The following DIABLO variants were observed in gnomAD, a reference collection of about 807,000 sequenced individuals.
DIABLO encodes the protein diablo IAP-binding mitochondrial protein, also known as diablo homolog, mitochondrial.
DIABLO carries 32 observed loss-of-function variants against 31.7 expected under a neutral mutation model. The observed-to-expected ratio is 1.01, with a 90% CI of 0.76 to 1.35. The LOEUF is 1.35. DIABLO is among the 40% of genes most tolerant of loss of function. The pLI is 0.00. For missense variants in DIABLO, 316 were observed against 286.4 expected (o/e 1.10, Z -0.75); for synonymous variants, 132 against 103.2 (o/e 1.28, Z -1.69).
intron 5 of DIABLO, among the ~76,000 whole-genome samples, chr12:122,213,599 T>A (rs1344714044): frequency 2.0e-5 from 3 of 151,972 alleles, no homozygotes; most frequent in African/African-American, 7.2e-5. Flanking sequence ...TGCTTATACA[T>A]CCCCTCCTTT....
chr12:122,215,010 A>G lies in DIABLO; in HGVS notation c.523+1478T>C, dbSNP rs552845081. 4.3e-4 allele frequency among the ~76,000 whole-genome samples: 65 copies of G among 152,292 alleles called. 1 individual carries two copies. The highest frequency in any genetic ancestry group is 1.4e-3 in the African/African-American group (60 of 41,562). On this transcript the variant is annotated intron_variant, in intron 5 of 5. Coordinates refer to ENST00000464942, the MANE Select transcript of DIABLO (RefSeq NM_001371333.1). ...ATGAGCCACTGCAACCAGTTTCTTA[A>G]TAAGAACTAGTACTAAGCTATAACT...
At chr12:122,225,299 A>G (rs1046549494) in intron 1 of DIABLO, 3 of 656,680 alleles carry the variant, frequency 4.6e-6, no homozygotes, top group East Asian at 1.3e-4. Flanking sequence ...GAGGCTGAGA[A>G]TCGCTTGAAG....
At chr12:122,222,452 A>T (rs1358427960) in intron 2 of DIABLO, 2 of 152,136 alleles carry the variant, frequency 1.3e-5, no homozygotes, top group African/African-American at 4.8e-5. Flanking sequence ...AATACAAAAA[A>T]ATTAGCAGGG....
At chr12:122,225,908 C>T in intron 1 of DIABLO, 57 bp downstream of exon 1, 1 of 1,551,672 alleles carries the variant, frequency 6.4e-7, no homozygotes, top group Non-Finnish European at 8.7e-7. Flanking sequence ...GGCCACAGCG[C>T]TGTCCGCGTC....
Position 122,207,714 on chromosome 12 carries a change from A to T in DIABLO, c.*667T>A. On this transcript the variant is annotated 3_prime_UTR_variant, in exon 6 of 6. Coordinates refer to ENST00000464942, the MANE Select transcript of DIABLO (RefSeq NM_001371333.1). The stretch of plus-strand genomic sequence containing the variant: ...CTTTCAGATGCAAACAAAATCTTAC[A>T]CTCTTCTCCTTTGGATACAATAGAG... 1.8e-6 allele frequency: 1 copy of T among 540,596 alleles called. No individual in the cohort carries two copies. The highest frequency in any genetic ancestry group is 1.5e-5 in the South Asian group (1 of 65,198). The allele number at this position is 540,596 out of a possible 1,614,324, so 33.5% of individuals were successfully genotyped here.
rs911799730 is a variant in DIABLO at position 122,225,775 on chromosome 12, G to A, written c.50+190C>T. 360 of 1,444,056 alleles carry A rather than the reference G, an allele frequency of 2.5e-4. 1 individual carries two copies. Among genetic ancestry groups the A allele is most frequent in the African/African-American group, 5.7e-5 (4 of 70,014 alleles). 89.5% of individuals were successfully genotyped at this position (1,444,056 alleles called of 1,614,324 possible). A position where few individuals can be genotyped will look rare whatever the true frequency, so the allele number is the denominator to read the frequency against. On this transcript the variant is annotated intron_variant, in intron 1 of 5. Transcript: ENST00000464942. The stretch of plus-strand genomic sequence containing the variant: ...AGAAGATGGACGAACTGAAAAGGAA[G>A]CCGGGCTTGACCCAGGGGGCGGAGG...
At chr12:122,226,480 C>G (rs1338157411), upstream of DIABLO, 9 of 698,612 alleles carry the variant, frequency 1.3e-5, no homozygotes, top group African/African-American at 5.3e-5. Flanking sequence ...AGCAGCGCCC[C>G]GATGAGCACC....
chr12:122,209,025 C>A (rs753871448), intron 5 of DIABLO: 41 of 323,456 alleles, frequency 1.3e-4, no homozygotes, highest in Non-Finnish European at 2.1e-4. Context: ...TATGTAACAG[C>A]ATAAAAGGTA....
rs78500245 is a variant in DIABLO, at chr12:122,211,055, T to C, written c.524-2478A>G. ...GTCTCTCTCACACACACAAATCTGA[T>C]TTTCCTTTGTTTAGTTAAAAGTAAA... On this transcript the variant is annotated intron_variant, in intron 5 of 5. Coordinates refer to ENST00000464942, the MANE Select transcript of DIABLO (RefSeq NM_001371333.1). 1.7e-3 allele frequency among the ~76,000 whole-genome samples: 223 copies of C among 130,950 alleles called. 5 individuals carry two copies. The East Asian group carries it at 0.038, about 23-fold the overall frequency. The allele number at this position is 130,950 out of a possible 152,430, so 85.9% of individuals were successfully genotyped here. A position where few individuals can be genotyped will look rare whatever the true frequency, so the allele number is the denominator to read the frequency against.
rs755788729 is a variant in DIABLO, at chr12:122,226,023, G to A, written c.-9C>T. 10 of 1,602,050 alleles carry A rather than the reference G, an allele frequency of 6.2e-6. No homozygotes were observed. The highest frequency in any genetic ancestry group is 4.5e-5 in the East Asian group (2 of 44,490). On this transcript the variant is annotated 5_prime_UTR_variant, in exon 1 of 6. Coordinates refer to ENST00000464942, the MANE Select transcript of DIABLO (RefSeq NM_001371333.1). ...CTCTTCAGAGCCGCCATTGTGCAGC[G>A]CGCGGACGCCAGACGCACACGCCGG... is the stretch of plus-strand genomic sequence containing the variant.
Position 122,208,435 on chromosome 12 carries a change from C to T in DIABLO, c.666G>A (p.Glu222=). 1.9e-6 allele frequency: 3 copies of T among 1,613,976 alleles called. No homozygotes were observed. The highest frequency in any genetic ancestry group is 2.5e-6 in the Non-Finnish European group (3 of 1,180,028). The change falls in exon 6 of 6, where the codon GAG becomes GAA. Residue 222 remains glutamate, a synonymous_variant. Transcript: ENST00000464942. ...QIEELRQKTQ[E]EGEERAESEQ... is the part of the protein sequence containing the mutation. ...CCGACTCAGCCCGCTCCTCCCCTTCCTCCTGTGTTTTCTGACGGAGCTCTT... is the reference window on the plus strand; with the variant it reads ...CCGACTCAGCCCGCTCCTCCCCTTCTTCCTGTGTTTTCTGACGGAGCTCTT...
chr12:122,226,949 C>G (rs1407010473), upstream of DIABLO, among the ~76,000 whole-genome samples: 1 of 152,228 alleles, frequency 6.6e-6, no homozygotes, highest in African/African-American at 2.4e-5. Context: ...GCTGCAGCCC[C>G]AGCTGCGGCC....
intron 1 of DIABLO, 102 bp downstream of exon 1, chr12:122,225,863 G>A (rs943664398): frequency 1.4e-5 from 21 of 1,538,632 alleles, no homozygotes; most frequent in Admixed American, 2.0e-5. Context: ...GCGGACGAGA[G>A]ATGAGCGCGT....
At chr12:122,214,579 A>G (rs1954163128) in intron 5 of DIABLO, among the ~76,000 whole-genome samples, 1 of 152,072 alleles carries the variant, frequency 6.6e-6, no homozygotes, top group Admixed American at 6.6e-5. Flanking sequence ...GCGAGCGCCA[A>G]TACGCCCAGC....
chr12:122,209,723 T>C (rs1954037040), intron 5 of DIABLO: 1 of 700,738 alleles, frequency 1.4e-6, no homozygotes. Context: ...TATTTCACCA[T>C]CTGGGTATAT....
chr12:122,216,907 T>A (rs201343405), intron 3 of DIABLO, 38 bp from the exon 4 acceptor site: 3 of 1,529,336 alleles, frequency 2.0e-6, no homozygotes, highest in South Asian at 2.2e-5. Flanking sequence ...GTAAAGTAAG[T>A]GAGACATATC....
upstream of DIABLO, chr12:122,226,563 A>G (rs1274426567): frequency 2.9e-6 from 2 of 697,942 alleles, no homozygotes; most frequent in Non-Finnish European, 5.2e-6. Context: ...CGAGGCCGGC[A>G]TCGCGCTGCG....
Position 122,208,296 on chromosome 12 carries a change from A to G in DIABLO, c.*85T>C, listed in dbSNP as rs1336197206. The G allele has an allele frequency of 1.3e-6, 2 of 1,517,454 alleles. No homozygotes were observed. The highest frequency in any genetic ancestry group is 9.1e-7 in the Non-Finnish European group (1 of 1,104,264). 94.0% of individuals were successfully genotyped at this position (1,517,454 alleles called of 1,614,324 possible). ...GATCTGCCGCCTCTTCTCGGTGCACAGACAGTCATGCCAACCCTGGGCAGG... is the reference window on the plus strand; with the variant it reads ...GATCTGCCGCCTCTTCTCGGTGCACGGACAGTCATGCCAACCCTGGGCAGG... On this transcript the variant is annotated 3_prime_UTR_variant, in exon 6 of 6. Coordinates refer to ENST00000464942, the MANE Select transcript of DIABLO (RefSeq NM_001371333.1).
intron 1 of DIABLO, chr12:122,225,450 C>T: frequency 1.0e-6 from 1 of 1,003,448 alleles, no homozygotes; most frequent in Non-Finnish European, 1.2e-6. Context: ...CCACAATAAC[C>T]GCTCCTGCAG....
Sources: allele counts gnomAD v4.1 joint callset (sites outside exome capture counted in the v4.1 genomes callset), GRCh38; gene constraint gnomAD v4.1.1; transcripts MANE v1.5; gene names NCBI Gene and HGNC (gene_info 2026-07-23, HGNC 2026-07-21).